The following PGAP4 variants were observed in gnomAD, a reference collection of about 807,000 sequenced individuals.
PGAP4 encodes GPI-N-acetylgalactosamine transferase PGAP4.
A neutral mutation model predicts 28.2 loss-of-function variants in PGAP4; 12 were observed. The ratio of observed to expected loss-of-function variants is 0.42; its 90% CI spans 0.27 to 0.69. The LOEUF (loss-of-function observed/expected upper bound fraction) is 0.69, where lower values mean the gene tolerates loss of function less well. Among genes scored for constraint, PGAP4 ranks in the 30% least tolerant of loss-of-function variants. The pLI, the probability that PGAP4 is intolerant of heterozygous loss-of-function variation, is 0.22. For synonymous variants in PGAP4, 205 were observed against 211.8 expected (o/e 0.97, Z 0.28); for missense variants, 425 against 513.5 (o/e 0.83, Z 1.67).
chr9:101,496,858 T>C (rs1826756557), intron 2 of PGAP4, among the ~76,000 whole-genome samples: 1 of 150,724 alleles, frequency 6.6e-6, no homozygotes, highest in Non-Finnish European at 1.5e-5. Flanking sequence ...TGTTTTTTAA[T>C]CTATATTTTG....
At chr9:101,523,625 T>TTG (rs1564102675) in intron 2 of PGAP4, among the ~76,000 whole-genome samples, 1 of 60,074 alleles carries the variant, frequency 1.7e-5, no homozygotes, top group African/African-American at 6.1e-5. Flanking sequence ...GTATCTTTTT[T>TTG]TTTTTTTTTT....
chr9:101,533,612 A>G (rs1827134032), upstream of PGAP4: 1 of 152,400 alleles, frequency 6.6e-6, no homozygotes, highest in Admixed American at 6.5e-5. Flanking sequence ...AAGGTCAACA[A>G]GTCAACAAAA....
rs761386205 is a variant in PGAP4 at position 101,476,427 on chromosome 9, T to C, written c.666A>G (p.Pro222=). The C allele has an allele frequency of 3.7e-6, 6 of 1,614,048 alleles. No individual in the cohort carries two copies. Among genetic ancestry groups the C allele is most frequent in the Non-Finnish European group, 5.1e-6 (6 of 1,180,004 alleles). ...DDAVPEEQIF[P]VLEHLLRARF... is the part of the protein sequence containing the mutation. ...GAGCCCGCAGAAGGTGCTCCAAGAC[T>C]GGGAAGATCTGCTCTTCTGGTACAG... The change falls in exon 2 of 2, where the codon CCA becomes CCG. Residue 222 remains proline (P), a synonymous_variant. Transcript: ENST00000374848. The surrounding 1 kb of genome is among the most constrained non-coding windows in gnomAD (Gnocchi z 7.0).
intron 2 of PGAP4, among the ~76,000 whole-genome samples, chr9:101,529,164 T>A (rs1827063099): frequency 6.6e-6 from 1 of 151,904 alleles, no homozygotes; most frequent in Non-Finnish European, 1.5e-5. Flanking sequence ...TTTTTTTTTT[T>A]TTTTTCTTGA....
intron 2 of PGAP4, among the ~76,000 whole-genome samples, chr9:101,513,771 C>G (rs1369303880): frequency 6.6e-6 from 1 of 152,100 alleles, no homozygotes; most frequent in Non-Finnish European, 1.5e-5. Flanking sequence ...ACAACAGGCT[C>G]TCTGCAAGCT....
chr9:101,530,899 T>C lies in PGAP4; in HGVS notation c.-165+449A>G, dbSNP rs138127562. Among the ~76,000 whole-genome samples the C allele has an allele frequency of 7.4e-4, 113 of 152,290 alleles. 1 individual carries two copies. In the East Asian group the frequency reaches 0.017, roughly 23 times the overall value. On this transcript the variant is annotated intron_variant, in intron 2 of 3. Transcript: ENST00000374851. ...TGTGAAGGTGTTTTTGTTTGTTTGT[T>C]TGTTTGTTTGTTTTTTTGGATGAGA... is the stretch of plus-strand genomic sequence containing the variant.
intron 2 of PGAP4, among the ~76,000 whole-genome samples, chr9:101,527,305 A>C (rs1827043700): frequency 6.6e-6 from 1 of 152,216 alleles, no homozygotes; most frequent in Admixed American, 6.5e-5. Flanking sequence ...ATGAGGCAAG[A>C]TTCCGAACAT....
rs1245170432 is a variant in PGAP4, at chr9:101,523,619, C to CATTTTTTTTTT, written c.-165+7728_-165+7729insAAAAAAAAAAT. Reference sequence around the variant, plus strand: ...ACATTTCTCCCCTCACTTCTTGTATCTTTTTTTTTTTTTTTTTTTTTTTTT... The same window carrying CATTTTTTTTTT: ...ACATTTCTCCCCTCACTTCTTGTATCATTTTTTTTTTTTTTTTTTTTTTTTTTTTTTTTTTT... On this transcript the variant is annotated intron_variant, in intron 2 of 3. Coordinates refer to the PGAP4 transcript ENST00000374851. Among the ~76,000 whole-genome samples the CATTTTTTTTTT allele has an allele frequency of 1.5e-3, 88 of 59,342 alleles. 5 individuals are homozygous for CATTTTTTTTTT. The highest frequency in any genetic ancestry group is 2.5e-3 in the African/African-American group (36 of 14,128). The allele number at this position is 59,342 out of a possible 152,430, so 38.9% of individuals were successfully genotyped here.
intron 2 of PGAP4, among the ~76,000 whole-genome samples, chr9:101,511,778 C>G (rs1284762109): frequency 6.6e-6 from 1 of 152,138 alleles, no homozygotes; most frequent in East Asian, 1.9e-4. Flanking sequence ...TCAGGCCCAT[C>G]TGAGCATTTA....
upstream of PGAP4, chr9:101,487,176 C>A (rs905512836): frequency 1.3e-5 from 2 of 152,234 alleles, no homozygotes; most frequent in African/African-American, 4.8e-5. Flanking sequence ...GCGGAGAGAC[C>A]GCGGCCCCCA....
rs746822435 is a variant in PGAP4, at chr9:101,476,991, C to A, written c.102G>T (p.Thr34=). 6.2e-7 allele frequency: 1 copy of A among 1,613,872 alleles called. No individual in the cohort carries two copies. ...AVQLFILTVV[T]FGLLAPLACH... is the part of the protein sequence containing the mutation. The stretch of plus-strand genomic sequence containing the variant: ...AGGCCAGGGGGGCCAGCAGGCCAAA[C>A]GTCACCACTGTTAGGATGAAGAGCT... Residue 34 remains threonine (T), a synonymous_variant, in exon 2 of 2, where the codon ACG becomes ACT. Transcript: ENST00000374848. The surrounding 1 kb of genome is among the most constrained non-coding windows in gnomAD (Gnocchi z 7.0).
At chr9:101,531,002 T>C (rs955637215) in intron 2 of PGAP4, among the ~76,000 whole-genome samples, 3 of 152,114 alleles carry the variant, frequency 2.0e-5, no homozygotes, top group Non-Finnish European at 4.4e-5. Context: ...TTGAGAGCCT[T>C]AATAGAACAA....
At position 101,525,573 on chromosome 9, in the gene PGAP4, G is replaced by C. The variant is rs150943073; in HGVS notation, c.-165+5775C>G. Among the ~76,000 whole-genome samples, 709 of 151,864 alleles carry C rather than the reference G, an allele frequency of 4.7e-3. 5 individuals carry two copies. Among genetic ancestry groups the C allele is most frequent in the African/African-American group, 0.016 (679 of 41,438 alleles). ...AATACAAAAATTAGCCAGGTGTGGT[G>C]ACAGGTGCCTGTAATCTCAGCTACT... On this transcript the variant is annotated intron_variant, in intron 2 of 3. Transcript: ENST00000374851.
At chr9:101,496,614 A>G (rs1307902532) in intron 2 of PGAP4, among the ~76,000 whole-genome samples, 1 of 151,456 alleles carries the variant, frequency 6.6e-6, no homozygotes, top group Admixed American at 6.6e-5. Context: ...ATTTTTAAAT[A>G]CATTTTTAAT....
intron 2 of PGAP4, among the ~76,000 whole-genome samples, chr9:101,510,345 G>C (rs780706276): frequency 6.6e-6 from 1 of 151,958 alleles, no homozygotes; most frequent in Non-Finnish European, 1.5e-5. Context: ...TTGATGAAGC[G>C]GTGTCCTTCA....
At chr9:101,510,227 A>C (rs1826884381) in intron 2 of PGAP4, among the ~76,000 whole-genome samples, 1 of 152,166 alleles carries the variant, frequency 6.6e-6, no homozygotes, top group African/African-American at 2.4e-5. Flanking sequence ...AAAGATCATG[A>C]TATATGTCCT....
intron 2 of PGAP4, among the ~76,000 whole-genome samples, chr9:101,511,302 C>A (rs1826896426): frequency 6.6e-6 from 1 of 152,118 alleles, no homozygotes; most frequent in African/African-American, 2.4e-5. Flanking sequence ...GGCCAAGGAC[C>A]TGTTACCAGT....
intron 2 of PGAP4, chr9:101,501,736 C>A: frequency 1.9e-6 from 1 of 519,246 alleles, no homozygotes; most frequent in Non-Finnish European, 3.8e-6. Context: ...TGTTCCAGGG[C>A]TCTGGGTTAT....
exon 1 of PGAP4, chr9:101,533,324 T>A (rs994749213): frequency 2.0e-5 from 3 of 152,154 alleles, no homozygotes; most frequent in Non-Finnish European, 4.4e-5. Context: ...GCCAAGTGAT[T>A]CTAATGTGTA....
Sources: allele counts gnomAD v4.1 joint callset (sites outside exome capture counted in the v4.1 genomes callset), GRCh38; gene constraint gnomAD v4.1.1; non-coding constraint Gnocchi (gnomAD v3.1); transcripts MANE v1.5; gene names NCBI Gene and HGNC (gene_info 2026-07-23, HGNC 2026-07-21).